Variants in FOXP1 observed in about 807,000 individuals in gnomAD.
The protein encoded by FOXP1 is forkhead box P1, also known as forkhead box protein P1.
Under a neutral mutation model 98.2 loss-of-function variants are expected in FOXP1, and 15 were observed. The ratio of observed to expected loss-of-function variants is 0.15; its 90% CI spans 0.10 to 0.24. FOXP1 has a LOEUF of 0.24. Ranked by LOEUF, FOXP1 falls within the 10% of genes least tolerant of loss-of-function variation. The pLI, the probability that FOXP1 is intolerant of heterozygous loss-of-function variation, is 1.00. For missense variants in FOXP1, 633 were observed against 848.5 expected (o/e 0.75, Z 3.15); for synonymous variants, 371 against 314.5 (o/e 1.18, Z -1.90).
At chr3:71,230,740 C>T (rs1157964198) in intron 5 of FOXP1, among the ~76,000 whole-genome samples, 1 of 152,082 alleles carries the variant, frequency 6.6e-6, no homozygotes, top group Non-Finnish European at 1.5e-5. Flanking sequence ...CAAGAGAAAA[C>T]TCTACACATG....
At position 71,053,702 on chromosome 3, in the gene FOXP1, T is replaced by C. The variant is rs546295864; in HGVS notation, c.354A>G (p.Gln118=). The stretch of plus-strand genomic sequence containing the variant: ...GGAGCTGCTGAGGGCTCAGCACTTG[T>C]TGCTGGAGGATCTGCTGCATTTGCT... The part of the protein sequence containing the change: ...TPQQMQQILQ[Q]QVLSPQQLQV... The change falls in exon 8 of 21, where the codon CAA becomes CAG. Residue 118 remains glutamine, a synonymous_variant. Coordinates refer to ENST00000649528, the MANE Select transcript of FOXP1 (RefSeq NM_001349338.3). 2.9e-5 allele frequency: 47 copies of C among 1,614,066 alleles called. No homozygotes were observed. The South Asian group carries it at 3.6e-4, about 12-fold the overall frequency.
At chr3:70,963,410 G>A (rs1559571979) in intron 20 of FOXP1, among the ~76,000 whole-genome samples, 1 of 152,186 alleles carries the variant, frequency 6.6e-6, no homozygotes, top group South Asian at 2.1e-4. Context: ...AAAAGAGGAT[G>A]GGATTCCACG....
At chr3:71,177,567 C>T (rs1346819750) in intron 6 of FOXP1, among the ~76,000 whole-genome samples, 1 of 152,110 alleles carries the variant, frequency 6.6e-6, no homozygotes, top group Admixed American at 6.5e-5. Flanking sequence ...GCTCTGGAGT[C>T]GGGCAGATGT....
intron 2 of FOXP1, among the ~76,000 whole-genome samples, chr3:71,557,606 C>T (rs949122848): frequency 6.6e-6 from 1 of 152,314 alleles, no homozygotes; most frequent in East Asian, 1.9e-4. Context: ...AACTGTCTGT[C>T]CCACCTTCAC....
rs142956636 is a variant in FOXP1, at chr3:70,956,732, GTTTTTTTTTTTTTTTTTTT to G, written c.*2496_*2514del. ...GCACATCATGAAGCTGCCTGGAAAA[GTTTTTTTTTTTTTTTTTTT>G]TTTTTTTTTTTTTTTTTTTTTTAAA... On this transcript the variant is annotated 3_prime_UTR_variant, in exon 21 of 21. Transcript: ENST00000649528. 257 of 32,812 alleles carry G rather than the reference GTTTTTTTTTTTTTTTTTTT, an allele frequency of 7.8e-3. No homozygotes were observed. The highest frequency in any genetic ancestry group is 0.036 in the Middle Eastern group (2 of 56). 2.0% of individuals were successfully genotyped at this position (32,812 alleles called of 1,614,324 possible).
chr3:71,539,115 A>AT (rs905642294), intron 2 of FOXP1, among the ~76,000 whole-genome samples: 19 of 129,924 alleles, frequency 1.5e-4, no homozygotes, highest in South Asian at 7.2e-4. Context: ...TTTTGTTTTT[A>AT]TTTTTTTTTT....
At chr3:71,533,283 C>A (rs1016359705) in intron 2 of FOXP1, among the ~76,000 whole-genome samples, 2 of 152,184 alleles carry the variant, frequency 1.3e-5, no homozygotes, top group African/African-American at 4.8e-5. Flanking sequence ...GCCAGCCCTG[C>A]ACAAGCAAGA....
At chr3:71,011,205 A>G (rs930708340) in intron 12 of FOXP1, among the ~76,000 whole-genome samples, 1 of 152,066 alleles carries the variant, frequency 6.6e-6, no homozygotes, top group African/African-American at 2.4e-5. Context: ...CTACTTTACA[A>G]TATTCATTTT....
chr3:71,365,861 T>TATAG (rs1320091463), intron 3 of FOXP1, among the ~76,000 whole-genome samples: 1 of 152,172 alleles, frequency 6.6e-6, no homozygotes, highest in Non-Finnish European at 1.5e-5. Flanking sequence ...CGTGTGCCTC[T>TATAG]AGTCCCAGCT....
intron 11 of FOXP1, among the ~76,000 whole-genome samples, chr3:71,032,789 T>C (rs921656000): frequency 2.6e-5 from 4 of 152,172 alleles, no homozygotes; most frequent in African/African-American, 9.7e-5. Context: ...CCCCCCTTCA[T>C]CTGGCTCCAG....
At chr3:71,471,804 T>C (rs2106695660) in intron 3 of FOXP1, among the ~76,000 whole-genome samples, 1 of 152,306 alleles carries the variant, frequency 6.6e-6, no homozygotes, top group Non-Finnish European at 1.5e-5. Context: ...AGCGGCAGCT[T>C]TACCACGTTC....
At chr3:71,408,087 G>A (rs1181304621) in intron 3 of FOXP1, among the ~76,000 whole-genome samples, 2 of 152,092 alleles carry the variant, frequency 1.3e-5, no homozygotes, top group African/African-American at 4.8e-5. Flanking sequence ...AAGTTATTCC[G>A]GAGGCTCCCA....
chr3:71,418,119 GTGT>G (rs1560457446), intron 3 of FOXP1, among the ~76,000 whole-genome samples: 3 of 55,432 alleles, frequency 5.4e-5, no homozygotes, highest in Non-Finnish European at 1.4e-4. Context: ...GCTTGTGGGT[GTGT>G]GTGTGTGTGT....
chr3:71,003,689 G>A (rs1340652514), intron 12 of FOXP1, among the ~76,000 whole-genome samples: 2 of 152,244 alleles, frequency 1.3e-5, no homozygotes, highest in Admixed American at 6.5e-5. Context: ...TAAGGTTCAC[G>A]ACTGAAGGAA....
intron 9 of FOXP1, among the ~76,000 whole-genome samples, chr3:71,047,642 A>C (rs2049213535): frequency 6.6e-6 from 1 of 152,224 alleles, no homozygotes; most frequent in South Asian, 2.1e-4. Context: ...AACATTGTAA[A>C]TCTTTCACAG....
intron 20 of FOXP1, among the ~76,000 whole-genome samples, chr3:70,962,369 A>G (rs2033753934): frequency 1.3e-5 from 2 of 152,198 alleles, no homozygotes; most frequent in Non-Finnish European, 2.9e-5. Context: ...CTAAGAATGG[A>G]ATTGTTAGAG....
At chr3:70,967,775 G>A (rs1450311528) in intron 19 of FOXP1, among the ~76,000 whole-genome samples, 1 of 134,650 alleles carries the variant, frequency 7.4e-6, no homozygotes, top group Non-Finnish European at 1.5e-5. Context: ...ATCTGAGAGA[G>A]GTGTGACCAC....
intron 9 of FOXP1, among the ~76,000 whole-genome samples, chr3:71,047,702 A>G (rs2049220496): frequency 1.3e-5 from 2 of 152,154 alleles, no homozygotes; most frequent in Non-Finnish European, 2.9e-5. Flanking sequence ...AGCAAACAAC[A>G]TCGTACTCGA....
chr3:71,163,501 T>G (rs1454500177), intron 6 of FOXP1, among the ~76,000 whole-genome samples: 1 of 152,086 alleles, frequency 6.6e-6, no homozygotes, highest in Non-Finnish European at 1.5e-5. Flanking sequence ...ACTGAAAAAT[T>G]TTATTAACTC....
Sources: allele counts gnomAD v4.1 joint callset (sites outside exome capture counted in the v4.1 genomes callset), GRCh38; gene constraint gnomAD v4.1.1; transcripts MANE v1.5; gene names NCBI Gene and HGNC (gene_info 2026-07-23, HGNC 2026-07-21).